The following ZNF48 variants were observed in gnomAD, a reference collection of about 807,000 sequenced individuals.
The protein encoded by ZNF48 is zinc finger protein 48.
A neutral mutation model predicts 40.0 loss-of-function variants in ZNF48; 20 were observed. The ratio of observed to expected loss-of-function variants is 0.50; its 90% CI spans 0.35 to 0.73. The LOEUF (loss-of-function observed/expected upper bound fraction) is 0.73. ZNF48 is among the 30% of genes least tolerant of loss of function. ZNF48 has a pLI of 0.01. For synonymous variants in ZNF48, 298 were observed against 329.7 expected (o/e 0.90, Z 1.04); for missense variants, 726 against 851.9 (o/e 0.85, Z 1.84).
chr16:30,382,930 T>C lies in ZNF48; in HGVS notation c.-16+4520T>C. 2.7e-6 allele frequency: 2 copies of C among 752,976 alleles called. No individual in the cohort carries two copies. The highest frequency in any genetic ancestry group is 4.5e-6 in the Non-Finnish European group (2 of 441,700). 46.6% of individuals were successfully genotyped at this position (752,976 alleles called of 1,614,324 possible). A position where few individuals can be genotyped will look rare whatever the true frequency, so the allele number is the denominator to read the frequency against. ...GGCTCTCGCCTGTAATCTCAGCACT[T>C]TGGGAGGCGGAGGAGGGAGGACAGC... On this transcript the variant is annotated intron_variant, in intron 1 of 2. Coordinates refer to the ZNF48 transcript ENST00000528032. This position sits in a 1 kb window ranked among gnomAD's most constrained non-coding sequence, Gnocchi z 4.8.
chr16:30,398,343 G>A lies in ZNF48; in HGVS notation c.1093G>A (p.Asp365Asn), dbSNP rs550963398. ...GERPHACPEC[D>N]RTFSLSSTLL... ...GAGGCCCCATGCCTGCCCGGAATGC[G>A]ACCGTACCTTCAGCCTCAGCTCCAC... is the stretch of plus-strand genomic sequence containing the variant. Residue 365 changes from aspartate (D) to asparagine (N), a missense_variant, in exon 3 of 3, where the codon GAC becomes AAC. Around this residue, in one of 5 missense-constraint regions of ZNF48, gnomAD observed 378 missense variants for 449.1 expected, o/e 0.84. Transcript: ENST00000613509. The surrounding 1 kb of genome is among the most constrained non-coding windows in gnomAD (Gnocchi z 6.6). The A allele has an allele frequency of 6.2e-6, 10 of 1,612,510 alleles. No homozygotes were observed. Among genetic ancestry groups the A allele is most frequent in the South Asian group, 5.5e-5 (5 of 90,998 alleles).
Position 30,395,679 on chromosome 16 carries a change from C to T in ZNF48, c.-16+101C>T, listed in dbSNP as rs1425269208. ...AGCCGCGCCCGTACCTGGGACCCGACGCCGCCCGGTGCCCGCGCTGGCCGG... is the reference window on the plus strand; with the variant it reads ...AGCCGCGCCCGTACCTGGGACCCGATGCCGCCCGGTGCCCGCGCTGGCCGG... On this transcript the variant is annotated intron_variant, in intron 1 of 2. Coordinates refer to ENST00000613509, the MANE Select transcript of ZNF48 (RefSeq NM_001214909.2). This position sits in a 1 kb window ranked among gnomAD's most constrained non-coding sequence, Gnocchi z 5.9. 1.9e-6 allele frequency: 2 copies of T among 1,050,400 alleles called. No homozygotes were observed. Among genetic ancestry groups the T allele is most frequent in the African/African-American group, 1.7e-5 (1 of 59,920 alleles). The allele number at this position is 1,050,400 out of a possible 1,614,324, so 65.1% of individuals were successfully genotyped here. A position where few individuals can be genotyped will look rare whatever the true frequency, so the allele number is the denominator to read the frequency against.
chr16:30,392,728 C>T (rs566811378), upstream of ZNF48, among the ~76,000 whole-genome samples: 1 of 152,158 alleles, frequency 6.6e-6, no homozygotes, highest in Non-Finnish European at 1.5e-5. Flanking sequence ...AAGAACCACA[C>T]TCTGCATAAA....
chr16:30,390,651 T>G (rs2049936012), upstream of ZNF48, among the ~76,000 whole-genome samples: 1 of 129,232 alleles, frequency 7.7e-6, no homozygotes, highest in African/African-American at 2.8e-5. Context: ...AGATGGAGTT[T>G]TCTCTGTCGC....
rs1234448913 is a variant in ZNF48, at chr16:30,381,284, A to C, written c.-16+2874A>C. The C allele has an allele frequency of 1.2e-6, 2 of 1,610,176 alleles. No homozygotes were observed. The highest frequency in any genetic ancestry group is 1.7e-6 in the Non-Finnish European group (2 of 1,176,432). On this transcript the variant is annotated intron_variant, in intron 1 of 2. Transcript: ENST00000528032. The surrounding 1 kb of genome is among the most constrained non-coding windows in gnomAD (Gnocchi z 4.3). ...TGGTCATTGCCCAGCCTCAGGGGGC[A>C]GAGACCCCCCAGCCCTCCCTAAATG...
chr16:30,397,931 G>A lies in ZNF48; in HGVS notation c.681G>A (p.Lys227=). 6.2e-7 allele frequency: 1 copy of A among 1,613,052 alleles called. No individual in the cohort carries two copies. Among genetic ancestry groups the A allele is most frequent in the Non-Finnish European group, 8.5e-7 (1 of 1,179,166 alleles). ...EKPYKCGICG[K]GFGDSSARIK... ...CCTACAAGTGTGGCATATGTGGCAA[G>A]GGCTTTGGCGACAGTTCCGCCCGCA... is the stretch of plus-strand genomic sequence containing the variant. The change falls in exon 3 of 3, where the codon AAG becomes AAA. Residue 227 remains lysine (K), a synonymous_variant. Coordinates refer to ENST00000613509, the MANE Select transcript of ZNF48 (RefSeq NM_001214909.2). This position sits in a 1 kb window ranked among gnomAD's most constrained non-coding sequence, Gnocchi z 4.1.
At chr16:30,392,402 T>G (rs1198228013), upstream of ZNF48, among the ~76,000 whole-genome samples, 1 of 152,104 alleles carries the variant, frequency 6.6e-6, no homozygotes, top group Non-Finnish European at 1.5e-5. Flanking sequence ...CCTGCCCACC[T>G]CAGCCTCCCG....
At chr16:30,391,031 G>A (rs931191512), upstream of ZNF48, among the ~76,000 whole-genome samples, 5 of 148,848 alleles carry the variant, frequency 3.4e-5, no homozygotes, top group Non-Finnish European at 6.0e-5. Flanking sequence ...GAGCCACTGC[G>A]CCCGGCCGAA....
At chr16:30,388,751 G>A (rs1279483412) in intron 1 of ZNF48, among the ~76,000 whole-genome samples, 3 of 151,888 alleles carry the variant, frequency 2.0e-5, no homozygotes, top group Non-Finnish European at 2.9e-5. Flanking sequence ...AAAATTAGCC[G>A]GGCGTGGTGC....
At chr16:30,378,773 G>C in intron 1 of ZNF48, 2 of 1,454,990 alleles carry the variant, frequency 1.4e-6, no homozygotes, top group Non-Finnish European at 1.9e-6. Flanking sequence ...AGGAGGCAGG[G>C]CCTGGGGCGA....
Position 30,398,272 on chromosome 16 carries a change from C to A in ZNF48, c.1022C>A (p.Ala341Glu), listed in dbSNP as rs1236698333. 3 of 1,613,238 alleles carry A rather than the reference C, an allele frequency of 1.9e-6. No individual in the cohort carries two copies. Among genetic ancestry groups the A allele is most frequent in the Non-Finnish European group, 2.5e-6 (3 of 1,180,000 alleles). ...YLCPECGKGF[A>E]DSSARVKHLR... ...TGCCCAGAGTGCGGCAAAGGTTTCG[C>A]GGACAGCTCCGCCCGAGTCAAACAC... The change falls in exon 3 of 3, where the codon GCG becomes GAG. Residue 341 changes from alanine (A) to glutamate (E), a missense_variant. This residue lies in a region of ZNF48 where 378 missense variants were observed against 449.1 expected (regional missense o/e 0.84). Coordinates refer to ENST00000613509, the MANE Select transcript of ZNF48 (RefSeq NM_001214909.2). This position sits in a 1 kb window ranked among gnomAD's most constrained non-coding sequence, Gnocchi z 6.6.
chr16:30,378,429 T>G (rs753650630), intron 1 of ZNF48: 6 of 1,564,950 alleles, frequency 3.8e-6, no homozygotes, highest in African/African-American at 2.8e-5. Flanking sequence ...GGGCGGGGCG[T>G]GGCCTCAGAG....
intron 1 of ZNF48, chr16:30,379,526 G>C: frequency 1.2e-6 from 2 of 1,613,546 alleles, no homozygotes; most frequent in Non-Finnish European, 8.5e-7. Context: ...CTGCAAAAGG[G>C]ATGCTTTCCT....
intron 1 of ZNF48, among the ~76,000 whole-genome samples, chr16:30,387,338 T>C (rs1216165187): frequency 6.8e-6 from 1 of 147,318 alleles, no homozygotes; most frequent in Admixed American, 6.7e-5. Context: ...GCGGTTCACC[T>C]GATGTCGGGA....
upstream of ZNF48, among the ~76,000 whole-genome samples, chr16:30,392,473 A>T (rs998066871): frequency 1.1e-4 from 16 of 152,156 alleles, no homozygotes; most frequent in African/African-American, 3.6e-4. Flanking sequence ...TTCAATTAGT[A>T]TGTGGCCCAC....
chr16:30,393,006 C>A (rs2049953705), upstream of ZNF48, among the ~76,000 whole-genome samples: 1 of 152,142 alleles, frequency 6.6e-6, no homozygotes, highest in South Asian at 2.1e-4. Flanking sequence ...ATGCCAGGCA[C>A]ACAGAGATTC....
Position 30,399,091 on chromosome 16 carries a change from CAACAG to C in ZNF48, c.1842_1846del (p.Leu617MetfsTer51). ...GCAAGGCCCCTCAAGCAGGAGGCAG[CAACAG>C]GACTGGAATGACGCGGTCCAGGGAG... On this transcript the variant is annotated frameshift_variant, in exon 3 of 3. Coordinates refer to ENST00000613509, the MANE Select transcript of ZNF48 (RefSeq NM_001214909.2). LOFTEE classifies it high-confidence loss of function. 6.3e-7 allele frequency: 1 copy of C among 1,593,362 alleles called. No individual in the cohort carries two copies.
At chr16:30,391,261 C>T (rs1246419607), upstream of ZNF48, among the ~76,000 whole-genome samples, 2 of 152,288 alleles carry the variant, frequency 1.3e-5, no homozygotes, top group Middle Eastern at 3.4e-3. Flanking sequence ...GTGATCTCTG[C>T]TCACTGAAAC....
Position 30,399,223 on chromosome 16 carries a change from AAGAATAGAT to A in ZNF48, c.*121_*129del. ...GAGAAGGAAGGGAAGAAAGGGGAGG[AAGAATAGAT>A]AGAAATAGGGATTGGAGACAGTAAC... On this transcript the variant is annotated 3_prime_UTR_variant, in exon 3 of 3. Transcript: ENST00000613509. The A allele has an allele frequency of 1.0e-6, 1 of 1,002,554 alleles. No homozygotes were observed. The allele number at this position is 1,002,554 out of a possible 1,614,324, so 62.1% of individuals were successfully genotyped here. A position where few individuals can be genotyped will look rare whatever the true frequency, so the allele number is the denominator to read the frequency against.
Sources: allele counts gnomAD v4.1 joint callset (sites outside exome capture counted in the v4.1 genomes callset), GRCh38; gene constraint gnomAD v4.1.1; regional missense constraint gnomAD v4.1.1; non-coding constraint Gnocchi (gnomAD v3.1); transcripts MANE v1.5; gene names NCBI Gene and HGNC (gene_info 2026-07-23, HGNC 2026-07-21).